CMIP: variants seen among roughly 807,000 people sequenced by gnomAD.
The protein encoded by CMIP is C-Maf-inducing protein.
Under a neutral mutation model 97.3 loss-of-function variants are expected in CMIP, and 13 were observed. That is an observed-to-expected ratio of 0.13 (90% CI 0.09 to 0.21). The LOEUF is 0.21. Ranked by LOEUF, CMIP falls within the 10% of genes least tolerant of loss-of-function variation. The pLI, the probability that CMIP is intolerant of heterozygous loss-of-function variation, is 1.00. For synonymous variants in CMIP, 538 were observed against 436.3 expected, an observed-to-expected ratio of 1.23 and a Z score of -2.91; for missense variants, 847 against 1,024.9, an observed-to-expected ratio of 0.83 and a Z score of 2.37.
At chr16:81,676,074 T>C (rs1299762420) in intron 9 of CMIP, among the ~76,000 whole-genome samples, 1 of 151,940 alleles carries the variant, frequency 6.6e-6, no homozygotes, top group Non-Finnish European at 1.5e-5. Context: ...GAGGATGGAG[T>C]AGGGGGCAGG....
intron 2 of CMIP, among the ~76,000 whole-genome samples, chr16:81,613,744 T>C (rs552050374): frequency 6.6e-6 from 1 of 152,182 alleles, no homozygotes; most frequent in African/African-American, 2.4e-5. Context: ...GTGGACTTTC[T>C]TCGCTGAGCA....
chr16:81,475,040 G>A (rs1156369699), intron 1 of CMIP, among the ~76,000 whole-genome samples: 2 of 152,200 alleles, frequency 1.3e-5, no homozygotes, highest in African/African-American at 2.4e-5. Flanking sequence ...TGGCCTTGTG[G>A]CTTCATGAAT....
intron 1 of CMIP, among the ~76,000 whole-genome samples, chr16:81,508,018 C>T (rs968352773): frequency 9.2e-5 from 14 of 152,204 alleles, no homozygotes; most frequent in African/African-American, 3.1e-4. Context: ...GCCAACCTAT[C>T]CACCCATGCT....
chr16:81,592,519 C>A (rs1176548581), intron 1 of CMIP, among the ~76,000 whole-genome samples: 2 of 152,234 alleles, frequency 1.3e-5, no homozygotes, highest in African/African-American at 4.8e-5. Flanking sequence ...CTCCTTCCTC[C>A]TGCGGTGCCT....
chr16:81,539,000 AT>A (rs2090398241), intron 1 of CMIP, among the ~76,000 whole-genome samples: 2 of 152,220 alleles, frequency 1.3e-5, no homozygotes, highest in Admixed American at 6.5e-5. Flanking sequence ...AGACAACAGT[AT>A]TTATATTCAT....
intron 1 of CMIP, among the ~76,000 whole-genome samples, chr16:81,471,887 C>T (rs1907581459): frequency 6.6e-6 from 1 of 152,186 alleles, no homozygotes; most frequent in Non-Finnish European, 1.5e-5. Flanking sequence ...CAAGATGCAG[C>T]AGGACAGTGT....
chr16:81,540,744 G>A (rs541310249), intron 1 of CMIP, among the ~76,000 whole-genome samples: 8 of 148,532 alleles, frequency 5.4e-5, no homozygotes, highest in Non-Finnish European at 1.0e-4. Flanking sequence ...GCAGTGGCGC[G>A]ATCTCGGCTT....
In CMIP at chr16:81,709,734, T is replaced by G. The variant is rs1396183895; in HGVS notation, c.2269-12T>G. The stretch of plus-strand genomic sequence containing the variant: ...GCCTACACGTGACAAGGACTCTTAT[T>G]GCCACCCCCAGGCCAAGCTTCCCAA... On this transcript the variant is annotated splice_polypyrimidine_tract_variant and intron_variant, in intron 20 of 20. Transcript: ENST00000537098. 2 of 1,613,814 alleles carry G rather than the reference T, an allele frequency of 1.2e-6. No homozygotes were observed. The highest frequency in any genetic ancestry group is 1.7e-6 in the Non-Finnish European group (2 of 1,179,810).
intron 1 of CMIP, among the ~76,000 whole-genome samples, chr16:81,594,319 A>G (rs1423730872): frequency 6.6e-6 from 1 of 151,288 alleles, no homozygotes; most frequent in Non-Finnish European, 1.5e-5. Context: ...GAGTTTCGCC[A>G]TGTTGTCCAG....
chr16:81,494,648 C>T (rs1216036189), intron 1 of CMIP, among the ~76,000 whole-genome samples: 1 of 152,096 alleles, frequency 6.6e-6, no homozygotes, highest in Non-Finnish European at 1.5e-5. Flanking sequence ...GATGCCTCCG[C>T]TGATGCTTAA....
chr16:81,705,806 C>T (rs184420566), intron 19 of CMIP, among the ~76,000 whole-genome samples: 2 of 152,382 alleles, frequency 1.3e-5, no homozygotes, highest in Admixed American at 6.5e-5. Context: ...ATATCCCTAA[C>T]CTCAGAGAGC....
At chr16:81,509,383 A>G (rs17198331) in intron 1 of CMIP, among the ~76,000 whole-genome samples, 1,740 of 152,316 alleles carry the variant, frequency 0.011, 15 homozygotes, top group Non-Finnish European at 0.019. Context: ...CCTGTCACCT[A>G]GCTCGGCATA....
intron 1 of CMIP, among the ~76,000 whole-genome samples, chr16:81,503,167 A>T (rs1261517764): frequency 2.6e-5 from 4 of 152,190 alleles, no homozygotes; most frequent in Non-Finnish European, 5.9e-5. Context: ...TGTCCCAATT[A>T]TACTGAAAGT....
intron 10 of CMIP, among the ~76,000 whole-genome samples, chr16:81,688,879 G>T (rs147896644): frequency 1.3e-5 from 2 of 152,090 alleles, no homozygotes; most frequent in Non-Finnish European, 2.9e-5. Flanking sequence ...TCATTTTTCA[G>T]TTCCCACCTA....
chr16:81,567,010 A>G (rs2090994946), intron 1 of CMIP, among the ~76,000 whole-genome samples: 1 of 152,348 alleles, frequency 6.6e-6, no homozygotes, highest in South Asian at 2.1e-4. Context: ...AGAGCCTTCT[A>G]GGGTGCTGGG....
chr16:81,481,875 T>C (rs1165538988), intron 1 of CMIP, among the ~76,000 whole-genome samples: 2 of 138,080 alleles, frequency 1.4e-5, no homozygotes, highest in Non-Finnish European at 3.0e-5. Context: ...CCCTCCCGCC[T>C]CCCTCTTTTT....
chr16:81,709,429 A>T (rs1042199873), intron 20 of CMIP, among the ~76,000 whole-genome samples: 3 of 152,204 alleles, frequency 2.0e-5, no homozygotes, highest in African/African-American at 7.2e-5. Context: ...TTATCTGCCC[A>T]CGGTCACGCA....
At chr16:81,487,084 C>T (rs1291931364) in intron 1 of CMIP, among the ~76,000 whole-genome samples, 1 of 152,186 alleles carries the variant, frequency 6.6e-6, no homozygotes, top group African/African-American at 2.4e-5. Flanking sequence ...GAAGGGGACG[C>T]CTGCTGGGCT....
intron 3 of CMIP, among the ~76,000 whole-genome samples, chr16:81,626,410 G>C (rs2092064298): frequency 6.6e-6 from 1 of 151,396 alleles, no homozygotes; most frequent in Admixed American, 6.6e-5. Flanking sequence ...CGTGTGGGGT[G>C]ACTATGAGTG....
Sources: gnomAD v4.1 joint callset for allele counts (sites outside exome capture counted in the v4.1 genomes callset) on GRCh38, gnomAD v4.1.1 for gene constraint, MANE v1.5 for transcripts, NCBI Gene and HGNC (gene_info 2026-07-23, HGNC 2026-07-21) for gene names.